The following GRK5 variants were observed in gnomAD, a reference collection of about 807,000 sequenced individuals.
The protein encoded by GRK5 is g protein-coupled receptor kinase GRK5.
Under a neutral mutation model 78.4 loss-of-function variants are expected in GRK5, and 40 were observed. The ratio of observed to expected loss-of-function variants is 0.51; its 90% CI spans 0.40 to 0.66. The LOEUF (loss-of-function observed/expected upper bound fraction) is 0.66, where lower values mean the gene tolerates loss of function less well. GRK5 is among the 30% of genes least tolerant of loss of function. The pLI, the probability that GRK5 is intolerant of heterozygous loss-of-function variation, is 0.00. For synonymous variants in GRK5, 289 were observed against 296.8 expected (o/e 0.97, Z 0.27); for missense variants, 598 against 759.9 (o/e 0.79, Z 2.50).
chr10:119,425,402 C>T (rs1852659614), intron 6 of GRK5, among the ~76,000 whole-genome samples: 1 of 152,178 alleles, frequency 6.6e-6, no homozygotes, highest in Admixed American at 6.5e-5. Context: ...AATAGTTGCA[C>T]ATCCTTGATT....
intron 1 of GRK5, among the ~76,000 whole-genome samples, chr10:119,227,578 A>G (rs1189770411): frequency 6.6e-6 from 1 of 152,160 alleles, no homozygotes; most frequent in Non-Finnish European, 1.5e-5. Flanking sequence ...CTCAAACAAC[A>G]ACAACAGCAG....
chr10:119,226,517 A>G (rs10787934), intron 1 of GRK5, among the ~76,000 whole-genome samples: 144,052 of 150,048 alleles, frequency 0.96, 69,416 homozygotes, highest in East Asian at 1. Flanking sequence ...CCTGCCAGAG[A>G]CCAAGGCTGG....
intron 2 of GRK5, among the ~76,000 whole-genome samples, chr10:119,332,968 G>A (rs372150159): frequency 1.4e-3 from 219 of 152,142 alleles, no homozygotes; most frequent in African/African-American, 5.0e-3. Flanking sequence ...CCATAACTCC[G>A]TCTGAAGCCA....
chr10:119,235,174 C>T (rs939391165), intron 1 of GRK5, among the ~76,000 whole-genome samples: 4 of 149,790 alleles, frequency 2.7e-5, no homozygotes, highest in Admixed American at 2.0e-4. Flanking sequence ...TTTGTAGAGA[C>T]GGTTTCACCA....
chr10:119,374,966 T>TA (rs1564909759), intron 2 of GRK5, among the ~76,000 whole-genome samples: 1 of 152,182 alleles, frequency 6.6e-6, no homozygotes, highest in East Asian at 1.9e-4. Context: ...ATGAGCCAAT[T>TA]AAACGTGTTT....
intron 1 of GRK5, among the ~76,000 whole-genome samples, chr10:119,221,371 A>G (rs1055476613): frequency 1.3e-5 from 2 of 152,224 alleles, no homozygotes; most frequent in African/African-American, 4.8e-5. Context: ...TTCAGTCCAC[A>G]ATATGCTGCA....
rs139264017 is a variant in GRK5 at position 119,309,037 on chromosome 10, C to T, written c.53-17479C>T. ...GCTGGGAGGGCTGGTGCCCAGGGCCCGGGCTCTTGAGCCTAGATGGAAACT... is the reference window on the plus strand; with the variant it reads ...GCTGGGAGGGCTGGTGCCCAGGGCCTGGGCTCTTGAGCCTAGATGGAAACT... On this transcript the variant is annotated intron_variant, in intron 1 of 15. Transcript: ENST00000392870. Among the ~76,000 whole-genome samples the T allele has an allele frequency of 2.2e-3, 333 of 152,340 alleles. 2 individuals carry two copies. Among genetic ancestry groups the T allele is most frequent in the African/African-American group, 7.5e-3 (312 of 41,574 alleles).
chr10:119,234,974 CTAAT>C (rs1848898936), intron 1 of GRK5, among the ~76,000 whole-genome samples: 1 of 151,168 alleles, frequency 6.6e-6, no homozygotes, highest in African/African-American at 2.4e-5. Context: ...CACGCCCGGC[CTAAT>C]TAATTAATTT....
chr10:119,337,232 T>C (rs1228935321), intron 2 of GRK5, among the ~76,000 whole-genome samples: 1 of 152,194 alleles, frequency 6.6e-6, no homozygotes, highest in Non-Finnish European at 1.5e-5. Flanking sequence ...AGGTCTCCCA[T>C]TTCCAGATAA....
At chr10:119,211,246 A>G (rs1055285920) in intron 1 of GRK5, among the ~76,000 whole-genome samples, 2 of 152,216 alleles carry the variant, frequency 1.3e-5, no homozygotes, top group Admixed American at 6.5e-5. Context: ...AAAAGAAAGA[A>G]GTTGAGACTG....
At chr10:119,226,998 A>G (rs1848750785) in intron 1 of GRK5, among the ~76,000 whole-genome samples, 1 of 152,056 alleles carries the variant, frequency 6.6e-6, no homozygotes, top group South Asian at 2.1e-4. Context: ...AGCTGGGATT[A>G]TATGCGCCCG....
chr10:119,238,626 C>T lies in GRK5; in HGVS notation c.52+30657C>T, dbSNP rs116243541. The stretch of plus-strand genomic sequence containing the variant: ...AGACATGTAGGGTTCGCGCCGTTGA[C>T]CTGAGCTTCAGTGCCAGAGAGTCGA... On this transcript the variant is annotated intron_variant, in intron 1 of 15. Transcript: ENST00000392870. The surrounding 1 kb of genome is among the most constrained non-coding windows in gnomAD (Gnocchi z 4.7). Among the ~76,000 whole-genome samples, 1,325 of 152,278 alleles carry T rather than the reference C, an allele frequency of 8.7e-3. 19 individuals carry two copies. The highest frequency in any genetic ancestry group is 0.031 in the African/African-American group (1,275 of 41,530).
chr10:119,217,529 A>T lies in GRK5; in HGVS notation c.52+9560A>T, dbSNP rs1483961785. On this transcript the variant is annotated intron_variant, in intron 1 of 15. Coordinates refer to ENST00000392870, the MANE Select transcript of GRK5 (RefSeq NM_005308.3). This position sits in a 1 kb window ranked among gnomAD's most constrained non-coding sequence, Gnocchi z 4.1. ...GGCCCCTCCTACCAACACATCGGAC[A>T]AGCGAGGCCAGCCTCTTGCGTTATT... 6.6e-6 allele frequency among the ~76,000 whole-genome samples: 1 copy of T among 152,216 alleles called. No homozygotes were observed. Among genetic ancestry groups the T allele is most frequent in the East Asian group, 1.9e-4 (1 of 5,202 alleles).
At position 119,458,126 on chromosome 10, in the gene GRK5, A is replaced by T. The variant is rs2133927029; in HGVS notation, c.*3059A>T. Reference sequence around the variant, plus strand: ...TCGTTCATGCATTTGAGCGCTTCACAGAAGAGTCTTTCTTGCTCCAGGCAT... The same window carrying T: ...TCGTTCATGCATTTGAGCGCTTCACTGAAGAGTCTTTCTTGCTCCAGGCAT... On this transcript the variant is annotated 3_prime_UTR_variant, in exon 16 of 16. Coordinates refer to ENST00000392870, the MANE Select transcript of GRK5 (RefSeq NM_005308.3). 1 of 152,376 alleles carries T rather than the reference A, an allele frequency of 6.6e-6. No individual in the cohort carries two copies. The highest frequency in any genetic ancestry group is 1.5e-5 in the Non-Finnish European group (1 of 68,040). 9.4% of individuals were successfully genotyped at this position (152,376 alleles called of 1,614,324 possible).
chr10:119,308,449 C>T lies in GRK5; in HGVS notation c.53-18067C>T, dbSNP rs2061079. ...TGTAGGGTCATCTGTGACGTATGGG[C>T]CAGGCGTGTGCCCCCTCAGAATCCT... On this transcript the variant is annotated intron_variant, in intron 1 of 15. Coordinates refer to ENST00000392870, the MANE Select transcript of GRK5 (RefSeq NM_005308.3). Among the ~76,000 whole-genome samples, 332 of 152,316 alleles carry T rather than the reference C, an allele frequency of 2.2e-3. 2 individuals are homozygous for T. The highest frequency in any genetic ancestry group is 7.7e-3 in the African/African-American group (322 of 41,556).
intron 1 of GRK5, among the ~76,000 whole-genome samples, chr10:119,324,216 G>T (rs1850636202): frequency 6.6e-6 from 1 of 152,260 alleles, no homozygotes; most frequent in African/African-American, 2.4e-5. Flanking sequence ...AGGGCCCAGG[G>T]TCTGGATTCT....
chr10:119,261,064 G>A (rs1230924192), intron 1 of GRK5, among the ~76,000 whole-genome samples: 4 of 44,696 alleles, frequency 8.9e-5, no homozygotes, highest in Non-Finnish European at 1.7e-4. Flanking sequence ...CCCGGACGGG[G>A]CGGCTGGCCG....
Position 119,452,443 on chromosome 10 carries a change from C to T in GRK5, c.1405-228C>T. 1 of 539,426 alleles carries T rather than the reference C, an allele frequency of 1.9e-6. No individual in the cohort carries two copies. The highest frequency in any genetic ancestry group is 3.3e-6 in the Non-Finnish European group (1 of 301,716). The allele number at this position is 539,426 out of a possible 1,614,324, so 33.4% of individuals were successfully genotyped here. ...CTGGAGGGGTCGCACAAAAAAACCA[C>T]AGGCCATCATCTGAGGTGGACAGGA... On this transcript the variant is annotated intron_variant, in intron 13 of 15. Transcript: ENST00000392870. The surrounding 1 kb of genome is among the most constrained non-coding windows in gnomAD (Gnocchi z 4.4).
At chr10:119,297,995 C>T (rs1850112473) in intron 1 of GRK5, among the ~76,000 whole-genome samples, 1 of 152,192 alleles carries the variant, frequency 6.6e-6, no homozygotes, top group South Asian at 2.1e-4. Context: ...ACCCTACCCT[C>T]ACTGGGACCT....
Sources: allele counts gnomAD v4.1 joint callset (sites outside exome capture counted in the v4.1 genomes callset), GRCh38; gene constraint gnomAD v4.1.1; non-coding constraint Gnocchi (gnomAD v3.1); transcripts MANE v1.5; gene names NCBI Gene and HGNC (gene_info 2026-07-23, HGNC 2026-07-21).